The following ASPH variants were observed in gnomAD, a reference collection of about 807,000 sequenced individuals.
ASPH encodes aspartate beta-hydroxylase, also known as aspartyl/asparaginyl beta-hydroxylase.
In ASPH, 100 loss-of-function variants were observed where a neutral mutation model predicts 118.4. That is an observed-to-expected ratio of 0.84 (90% CI 0.72 to 1.00). The LOEUF (loss-of-function observed/expected upper bound fraction) is 1.00. ASPH is among the 50% of genes least tolerant of loss of function. The pLI, the probability that ASPH is intolerant of heterozygous loss-of-function variation, is 0.00. For missense variants in ASPH, 920 were observed against 919.5 expected (o/e 1.00, Z -0.01); for synonymous variants, 315 against 325.6 (o/e 0.97, Z 0.35).
chr8:61,665,085 C>T lies in ASPH; in HGVS notation c.323-11425G>A, dbSNP rs1055923490. 80 of 1,391,626 alleles carry T rather than the reference C, an allele frequency of 5.7e-5. No homozygotes were observed. In the African/African-American group the frequency reaches 6.3e-4, roughly 11 times the overall value. 86.2% of individuals were successfully genotyped at this position (1,391,626 alleles called of 1,614,324 possible). Reference sequence around the variant, plus strand: ...TGTTTTTACATTTAGAAGTATGAGACGGTATATTTAAATTTCAGGTAATTT... The same window carrying T: ...TGTTTTTACATTTAGAAGTATGAGATGGTATATTTAAATTTCAGGTAATTT... On this transcript the variant is annotated intron_variant, in intron 3 of 24. Transcript: ENST00000379454.
At chr8:61,653,984 C>T (rs1306115902) in intron 3 of ASPH, among the ~76,000 whole-genome samples, 4 of 152,068 alleles carry the variant, frequency 2.6e-5, no homozygotes, top group Admixed American at 2.0e-4. Context: ...TTTTCATAAG[C>T]GATTAATTCC....
In ASPH at chr8:61,578,313, C is replaced by T. The variant is rs576928033; in HGVS notation, c.1063-1455G>A. On this transcript the variant is annotated intron_variant, in intron 15 of 24. Transcript: ENST00000379454. ...CTCCTACACGAGTGGGCCCGGTGCC[C>T]ACATCAGCTCCTCGAGCTTCTCCTG... 1,177 of 1,601,854 alleles carry T rather than the reference C, an allele frequency of 7.3e-4. 2 individuals are homozygous for T. Among genetic ancestry groups the T allele is most frequent in the Non-Finnish European group, 8.9e-4 (1,046 of 1,172,244 alleles).
chr8:61,602,470 T>C (rs1587940780), intron 14 of ASPH, among the ~76,000 whole-genome samples: 1 of 151,402 alleles, frequency 6.6e-6, no homozygotes, highest in East Asian at 1.9e-4. Flanking sequence ...TGAGCATCTA[T>C]GAAAAATCTA....
intron 13 of ASPH, chr8:61,624,730 A>C: frequency 1.0e-6 from 1 of 985,792 alleles, no homozygotes; most frequent in Non-Finnish European, 1.2e-6. Context: ...TTCTACAAAA[A>C]TCCAGCAAAA....
At chr8:61,528,992 T>C (rs1816555244) in intron 21 of ASPH, among the ~76,000 whole-genome samples, 1 of 152,196 alleles carries the variant, frequency 6.6e-6, no homozygotes, top group Non-Finnish European at 1.5e-5. Flanking sequence ...CAGTCGCTTA[T>C]TTTCTCTTTT....
At chr8:61,580,425 C>T (rs939017344) in intron 15 of ASPH, among the ~76,000 whole-genome samples, 1 of 152,212 alleles carries the variant, frequency 6.6e-6, no homozygotes, top group Non-Finnish European at 1.5e-5. Context: ...GTTCCCAAAC[C>T]TCAATTCCTG....
chr8:61,664,021 T>G, intron 3 of ASPH: 2 of 906,896 alleles, frequency 2.2e-6, no homozygotes, highest in Non-Finnish European at 2.6e-6. Context: ...GTGGTAGCAT[T>G]TTTGATTCTG....
At chr8:61,664,684 G>C in intron 3 of ASPH, 1 of 986,218 alleles carries the variant, frequency 1.0e-6, no homozygotes, top group Non-Finnish European at 1.2e-6. Flanking sequence ...GAGGGAAAAG[G>C]GGAAGGAGAA....
intron 16 of ASPH, 137 bp from the exon 17 acceptor site, chr8:61,567,455 G>T: frequency 2.2e-6 from 2 of 908,570 alleles, no homozygotes; most frequent in South Asian, 2.3e-5. Context: ...TCCTTATCAA[G>T]AGATAAAAAA....
At chr8:61,618,716 A>G (rs544066245) in intron 14 of ASPH, among the ~76,000 whole-genome samples, 1 of 152,350 alleles carries the variant, frequency 6.6e-6, no homozygotes, top group Non-Finnish European at 1.5e-5. Context: ...GAGGCACAAA[A>G]GTTAAGTATT....
chr8:61,631,498 A>T (rs1355696328), intron 13 of ASPH, among the ~76,000 whole-genome samples: 4 of 152,222 alleles, frequency 2.6e-5, no homozygotes. Flanking sequence ...GTACAGTAAC[A>T]TGCTGTACAG....
At chr8:61,519,237 A>G (rs1259585913) in intron 22 of ASPH, among the ~76,000 whole-genome samples, 7 of 152,192 alleles carry the variant, frequency 4.6e-5, no homozygotes, top group African/African-American at 1.7e-4. Flanking sequence ...ATAGATTTGT[A>G]TATATATAGT....
At chr8:61,517,316 TGGA>T in intron 24 of ASPH, 1 of 578,756 alleles carries the variant, frequency 1.7e-6, no homozygotes, top group Non-Finnish European at 2.9e-6. Context: ...CGAGAAATAA[TGGA>T]GGAGGGCAGC....
In ASPH at chr8:61,713,026, T is replaced by A. The variant is rs563276387; in HGVS notation, c.103+1243A>T. On this transcript the variant is annotated intron_variant, in intron 1 of 24. Coordinates refer to ENST00000379454, the MANE Select transcript of ASPH (RefSeq NM_004318.4). ...GCAATTAATCTATCCCTCTGCAGGT[T>A]TAAGTAAGTGACATTTAAGAACAAG... 4.7e-4 allele frequency among the ~76,000 whole-genome samples: 71 copies of A among 152,364 alleles called. 1 individual carries two copies. The Middle Eastern group carries it at 0.027, about 58-fold the overall frequency.
chr8:61,655,458 T>C (rs1813174570), intron 3 of ASPH, among the ~76,000 whole-genome samples: 1 of 152,174 alleles, frequency 6.6e-6, no homozygotes, highest in South Asian at 2.1e-4. Context: ...TACAGGGTCA[T>C]CCTTCACTGA....
chr8:61,626,412 G>A (rs1327918976), intron 13 of ASPH: 1 of 1,242,664 alleles, frequency 8.0e-7, no homozygotes, highest in Non-Finnish European at 1.0e-6. Flanking sequence ...TGTTTTTAAG[G>A]ACAACTTGGT....
intron 3 of ASPH, chr8:61,656,609 C>T (rs563257198): frequency 1.3e-5 from 2 of 152,282 alleles, no homozygotes; most frequent in African/African-American, 4.8e-5. Flanking sequence ...ACTGCCAGTC[C>T]ACAGCAATGG....
rs1050515636 is a variant in ASPH at position 61,676,399 on chromosome 8, C to T, written c.322+4569G>A. On this transcript the variant is annotated intron_variant, in intron 3 of 24. Coordinates refer to ENST00000379454, the MANE Select transcript of ASPH (RefSeq NM_004318.4). ...AAAAGAAGTGGAGGAAGGGTGATCTCAAAAGCGAGGTGCATCAAGGTCAGA... is the reference window on the plus strand; with the variant it reads ...AAAAGAAGTGGAGGAAGGGTGATCTTAAAAGCGAGGTGCATCAAGGTCAGA... The T allele has an allele frequency of 6.0e-6, 8 of 1,338,796 alleles. No individual in the cohort carries two copies. The Admixed American group carries it at 1.0e-4, about 17-fold the overall frequency. The allele number at this position is 1,338,796 out of a possible 1,614,324, so 82.9% of individuals were successfully genotyped here.
chr8:61,613,907 G>GAATGACACTT (rs1252462560), intron 14 of ASPH, among the ~76,000 whole-genome samples: 1 of 152,164 alleles, frequency 6.6e-6, no homozygotes, highest in African/African-American at 2.4e-5. Context: ...TAAGAAAACT[G>GAATGACACTT]AATGACACTT....
Sources: gnomAD v4.1 joint callset for allele counts (sites outside exome capture counted in the v4.1 genomes callset) on GRCh38, gnomAD v4.1.1 for gene constraint, MANE v1.5 for transcripts, NCBI Gene and HGNC (gene_info 2026-07-23, HGNC 2026-07-21) for gene names.